DNAH10: variants seen among roughly 807,000 people sequenced by gnomAD.
DNAH10 encodes the protein dynein axonemal heavy chain 10.
DNAH10 carries 348 observed loss-of-function variants against 506.6 expected under a neutral mutation model. That is an observed-to-expected ratio of 0.69 (90% CI 0.63 to 0.75). DNAH10 has a LOEUF of 0.75. Ranked by LOEUF, DNAH10 falls within the 30% of genes least tolerant of loss-of-function variation. The pLI, the probability that DNAH10 is intolerant of heterozygous loss-of-function variation, is 0.00. For synonymous variants in DNAH10, 2,059 were observed against 2,198.6 expected (o/e 0.94, Z 1.78); for missense variants, 5,179 against 5,787.1 (o/e 0.89, Z 3.41).
chr12:123,794,845 TAA>T (rs769453879), intron 12 of DNAH10, among the ~76,000 whole-genome samples: 16 of 107,558 alleles, frequency 1.5e-4, no homozygotes, highest in Admixed American at 2.0e-4. Context: ...AAACCCTGTC[TAA>T]AAAAAAAAAA....
chr12:123,843,943 G>A lies in DNAH10; in HGVS notation c.5361-1657G>A, dbSNP rs117085801. Among the ~76,000 whole-genome samples the A allele has an allele frequency of 4.7e-3, 720 of 152,300 alleles. 4 individuals carry two copies. Among genetic ancestry groups the A allele is most frequent in the Non-Finnish European group, 7.8e-3 (532 of 68,036 alleles). ...ATCAAGATAATGACTATAGTAATCC[G>A]CAGTCACTTTTCCAGTATTGGCATT... On this transcript the variant is annotated intron_variant, in intron 30 of 78. Transcript: ENST00000673944.
intron 12 of DNAH10, among the ~76,000 whole-genome samples, chr12:123,795,865 A>G (rs1958256460): frequency 6.6e-6 from 1 of 152,218 alleles, no homozygotes; most frequent in African/African-American, 2.4e-5. Flanking sequence ...CTAAAAGAGT[A>G]TAATTGGATT....
At position 123,917,522 on chromosome 12, in the gene DNAH10, G is replaced by A. The variant is rs920636221; in HGVS notation, c.11003-62G>A. On this transcript the variant is annotated intron_variant, in intron 63 of 78. Transcript: ENST00000673944. The surrounding 1 kb of genome is among the most constrained non-coding windows in gnomAD (Gnocchi z 5.6). ...GCTAAGCTTGTCCCGTCACAGCAGG[G>A]CAGCGGGAGAGACTGTTGTTGGGGG... 3.4e-5 allele frequency: 51 copies of A among 1,493,932 alleles called. No individual in the cohort carries two copies. The highest frequency in any genetic ancestry group is 7.9e-5 in the Admixed American group (4 of 50,462). 92.5% of individuals were successfully genotyped at this position (1,493,932 alleles called of 1,614,324 possible). A position where few individuals can be genotyped will look rare whatever the true frequency, so the allele number is the denominator to read the frequency against.
intron 24 of DNAH10, among the ~76,000 whole-genome samples, chr12:123,824,241 T>C (rs1030655168): frequency 2.0e-5 from 3 of 152,146 alleles, no homozygotes; most frequent in African/African-American, 7.2e-5. Context: ...TCCAAGGTTT[T>C]TGGCCTGAGG....
Position 123,787,719 on chromosome 12 carries a change from C to A in DNAH10, c.1422-85C>A, listed in dbSNP as rs539648802. On this transcript the variant is annotated intron_variant, in intron 9 of 78. Coordinates refer to ENST00000673944, the MANE Select transcript of DNAH10 (RefSeq NM_001372106.1). This position sits in a 1 kb window ranked among gnomAD's most constrained non-coding sequence, Gnocchi z 4.6. ...GGGGGGCGCCCGGGTCAGAGCTTCA[C>A]GGGACACTGGCTCCCCAGCCGGGGA... The A allele has an allele frequency of 6.6e-7, 1 of 1,514,852 alleles. No individual in the cohort carries two copies. The highest frequency in any genetic ancestry group is 9.0e-7 in the Non-Finnish European group (1 of 1,113,944). 93.8% of individuals were successfully genotyped at this position (1,514,852 alleles called of 1,614,324 possible).
At chr12:123,799,143 A>C in intron 13 of DNAH10, 103 bp from the exon 14 acceptor site, 1 of 695,300 alleles carries the variant, frequency 1.4e-6, no homozygotes, top group Non-Finnish European at 1.9e-6. Flanking sequence ...GTTTATAATA[A>C]TTTATATATT....
At chr12:123,920,039 GT>G (rs1954658567) in intron 65 of DNAH10, among the ~76,000 whole-genome samples, 1 of 152,130 alleles carries the variant, frequency 6.6e-6, no homozygotes, top group South Asian at 2.1e-4. Flanking sequence ...CTGCCAAACT[GT>G]TTTCCAAAGT....
chr12:123,762,456 C>T lies in DNAH10; in HGVS notation c.120C>T (p.Ile40=). Residue 40 remains isoleucine, a synonymous_variant, in exon 1 of 79, where the codon ATC becomes ATT. Coordinates refer to ENST00000673944, the MANE Select transcript of DNAH10 (RefSeq NM_001372106.1). This position sits in a 1 kb window ranked among gnomAD's most constrained non-coding sequence, Gnocchi z 5.0. Reference sequence around the variant, plus strand: ...ACGACGGCCAGGGCGAGGACCTCATCTTGCACTTCCTCAACCAGGCGAGCG... The same window carrying T: ...ACGACGGCCAGGGCGAGGACCTCATTTTGCACTTCCTCAACCAGGCGAGCG... The part of the protein sequence containing the change: ...NRDDGQGEDL[I]LHFLNQASEE... The T allele has an allele frequency of 6.7e-7, 1 of 1,492,032 alleles. No individual in the cohort carries two copies. The allele number at this position is 1,492,032 out of a possible 1,614,324, so 92.4% of individuals were successfully genotyped here. A position where few individuals can be genotyped will look rare whatever the true frequency, so the allele number is the denominator to read the frequency against.
rs758392467 is a variant in DNAH10, at chr12:123,913,383, A to T, written c.10352+68A>T. On this transcript the variant is annotated intron_variant, in intron 60 of 78. Transcript: ENST00000673944. The surrounding 1 kb of genome is among the most constrained non-coding windows in gnomAD (Gnocchi z 5.1). The stretch of plus-strand genomic sequence containing the variant: ...GACGTCACCCACAGAGTTTCTCGCC[A>T]TGTTGATTCTTTATCTCACGTTGTG... 1 of 1,448,810 alleles carries T rather than the reference A, an allele frequency of 6.9e-7. No individual in the cohort carries two copies. Among genetic ancestry groups the T allele is most frequent in the African/African-American group, 1.4e-5 (1 of 70,098 alleles). 89.7% of individuals were successfully genotyped at this position (1,448,810 alleles called of 1,614,324 possible).
chr12:123,802,710 C>T (rs1324143041), intron 16 of DNAH10, among the ~76,000 whole-genome samples: 8 of 148,252 alleles, frequency 5.4e-5, no homozygotes, highest in Non-Finnish European at 1.2e-4. Flanking sequence ...TTCTCTGCAT[C>T]CTGGCCAGTT....
In DNAH10 at chr12:123,881,658, A is replaced by C; in HGVS notation, c.8668A>C (p.Lys2890Gln). ...TGAAGAGTATAATGAAAGCAACACC[A>C]AAATGAACTTGGTTCTCTTCGACGA... ...ILEEYNESNT[K>Q]MNLVLFDDAL... Residue 2890 changes from lysine (K) to glutamine (Q), a missense_variant, in exon 51 of 79, where the codon AAA becomes CAA. Around this residue, in one of 3 missense-constraint regions of DNAH10, gnomAD observed 4,844 missense variants for 5,430.5 expected, o/e 0.89. Coordinates refer to ENST00000673944, the MANE Select transcript of DNAH10 (RefSeq NM_001372106.1). 1.3e-6 allele frequency: 2 copies of C among 1,542,090 alleles called. No homozygotes were observed. The highest frequency in any genetic ancestry group is 1.7e-6 in the Non-Finnish European group (2 of 1,144,246).
At position 123,800,277 on chromosome 12, in the gene DNAH10, T is replaced by C. The variant is rs1369858605; in HGVS notation, c.2351T>C (p.Phe784Ser). ...LERGAVFAIN[F>S]SPALREIINE... ...AGGGGAGCTGTTTTTGCAATCAACT[T>C]TTCACCGGCTCTCAGAGAGATTATT... The change falls in exon 15 of 79, where the codon TTT (phenylalanine) becomes TCT (serine). Residue 784 changes from phenylalanine to serine, a missense_variant. By Grantham distance (155) the Phe-to-Ser change is radical. Transcript: ENST00000673944. 6 of 1,614,062 alleles carry C rather than the reference T, an allele frequency of 3.7e-6. No individual in the cohort carries two copies. The highest frequency in any genetic ancestry group is 5.1e-6 in the Non-Finnish European group (6 of 1,179,998).
At position 123,931,438 on chromosome 12, in the gene DNAH10, G is replaced by A. The variant is rs761061158; in HGVS notation, c.12882G>A (p.Met4294Ile). 4.3e-6 allele frequency: 7 copies of A among 1,613,962 alleles called. No homozygotes were observed. The Admixed American group carries it at 1.2e-4, about 27-fold the overall frequency. Residue 4294 changes from methionine to isoleucine, a missense_variant, in exon 74 of 79, where the codon ATG becomes ATA. By Grantham distance (10) the Met-to-Ile change is conservative (BLOSUM62 1). Around this residue, in one of 3 missense-constraint regions of DNAH10, gnomAD observed 4,844 missense variants for 5,430.5 expected, o/e 0.89. Coordinates refer to ENST00000673944, the MANE Select transcript of DNAH10 (RefSeq NM_001372106.1). Reference sequence around the variant, plus strand: ...ATTACACGCAGGCGGCTCGAGACATGTGGGCTCACCTGCTGGAGCTGCAGC... The same window carrying A: ...ATTACACGCAGGCGGCTCGAGACATATGGGCTCACCTGCTGGAGCTGCAGC... ...IGYYTQAARD[M>I]WAHLLELQPQ...
intron 12 of DNAH10, among the ~76,000 whole-genome samples, chr12:123,794,978 C>T (rs959915446): frequency 6.6e-6 from 1 of 151,542 alleles, no homozygotes; most frequent in African/African-American, 2.4e-5. Flanking sequence ...GTGAAACCCC[C>T]TCTTTACTAA....
At position 123,819,083 on chromosome 12, in the gene DNAH10, A is replaced by G. The variant is rs1168022031; in HGVS notation, c.3897+17A>G. ...TTCACAGAGGTACCTTTTAAATTTCACTTCCTGAGTAAAGACATTGAAAAA... is the reference window on the plus strand; with the variant it reads ...TTCACAGAGGTACCTTTTAAATTTCGCTTCCTGAGTAAAGACATTGAAAAA... On this transcript the variant is annotated intron_variant, in intron 22 of 78. Coordinates refer to ENST00000673944, the MANE Select transcript of DNAH10 (RefSeq NM_001372106.1). 4 of 1,598,466 alleles carry G rather than the reference A, an allele frequency of 2.5e-6. No homozygotes were observed. The highest frequency in any genetic ancestry group is 2.2e-5 in the East Asian group (1 of 44,710).
intron 8 of DNAH10, among the ~76,000 whole-genome samples, chr12:123,784,399 T>C (rs2136034522): frequency 6.6e-6 from 1 of 152,104 alleles, no homozygotes; most frequent in South Asian, 2.1e-4. Flanking sequence ...ATACAAAAAT[T>C]AGCTGGGTAT....
rs1378983597 is a variant in DNAH10, at chr12:123,930,498, C to T, written c.12709C>T (p.Gln4237Ter). The change falls in exon 73 of 79, where the codon CAG becomes TAG. Residue 4237 changes from glutamine (Q) to a stop codon, truncating the protein, a stop_gained. Transcript: ENST00000673944. LOFTEE classifies it high-confidence loss of function. ...GGGGGACTTCATTTTTGATACTTTC[C>T]AGCCATTCCACTTCTTCCGGAACAA... Reference protein sequence around the residue: ...YLGDFIFDTFQPFHFFRNKEV... With the variant: ...YLGDFIFDTF 34 of 1,610,364 alleles carry T rather than the reference C, an allele frequency of 2.1e-5. No homozygotes were observed. Among genetic ancestry groups the T allele is most frequent in the Non-Finnish European group, 2.7e-5 (32 of 1,178,890 alleles).
At chr12:123,767,511 CA>C in intron 1 of DNAH10, 94 bp from the exon 2 acceptor site, 3 of 1,224,222 alleles carry the variant, frequency 2.5e-6, no homozygotes, top group Non-Finnish European at 3.5e-6. Context: ...GGCCACATAC[CA>C]ACCCCTTGGC....
At chr12:123,884,285 A>C (rs1407717482) in intron 51 of DNAH10, among the ~76,000 whole-genome samples, 1 of 152,204 alleles carries the variant, frequency 6.6e-6, no homozygotes, top group Non-Finnish European at 1.5e-5. Context: ...GTTCTTTTGC[A>C]CAGACTTTCT....
Sources: gnomAD v4.1 joint callset for allele counts (sites outside exome capture counted in the v4.1 genomes callset) on GRCh38, gnomAD v4.1.1 for gene constraint, gnomAD v4.1.1 regional missense constraint, Gnocchi (gnomAD v3.1) non-coding constraint, MANE v1.5 for transcripts, NCBI Gene and HGNC (gene_info 2026-07-23, HGNC 2026-07-21) for gene names.